The following ZNF385D variants were observed in gnomAD, a reference collection of about 807,000 sequenced individuals.
The protein encoded by ZNF385D is zinc finger protein 659.
A neutral mutation model predicts 35.8 loss-of-function variants in ZNF385D; 15 were observed. The observed-to-expected ratio is 0.42, with a 90% CI of 0.28 to 0.64. The LOEUF is 0.64. Ranked by LOEUF, ZNF385D falls within the 30% of genes least tolerant of loss-of-function variation. The pLI is 0.23. For missense variants in ZNF385D, 474 were observed against 494.6 expected (o/e 0.96, Z 0.39); for synonymous variants, 212 against 186.8 (o/e 1.13, Z -1.10).
chr3:21,893,346 G>A (rs953767358), intron 3 of ZNF385D, among the ~76,000 whole-genome samples: 3 of 152,086 alleles, frequency 2.0e-5, no homozygotes, highest in African/African-American at 7.2e-5. Flanking sequence ...GTAAAACATG[G>A]TAAAAAATAA....
intron 2 of ZNF385D, among the ~76,000 whole-genome samples, chr3:21,648,414 G>A (rs929091628): frequency 6.6e-6 from 1 of 152,078 alleles, no homozygotes; most frequent in African/African-American, 2.4e-5. Flanking sequence ...CCAGTCTCAG[G>A]TATTTCTTTA....
chr3:22,281,622 C>G (rs1029911421), intron 2 of ZNF385D, among the ~76,000 whole-genome samples: 2 of 151,984 alleles, frequency 1.3e-5, no homozygotes, highest in African/African-American at 4.8e-5. Flanking sequence ...TTTTGATAGG[C>G]TGTTGGATCA....
intron 3 of ZNF385D, among the ~76,000 whole-genome samples, chr3:21,859,760 T>A (rs1696945809): frequency 6.6e-6 from 1 of 151,950 alleles, no homozygotes; most frequent in Non-Finnish European, 1.5e-5. Flanking sequence ...TTATGTTAAT[T>A]ATTGAAATTA....
At position 21,444,898 on chromosome 3, in the gene ZNF385D, C is replaced by T. The variant is rs557703019; in HGVS notation, c.440-7695G>A. ...AGGACAGAGCACAGTTGCAGAAGCC[C>T]CCAAAAAGAGGTGGTGATCAGGACC... is the stretch of plus-strand genomic sequence containing the variant. On this transcript the variant is annotated intron_variant, in intron 4 of 7. Transcript: ENST00000281523. Among the ~76,000 whole-genome samples, 33 of 152,228 alleles carry T rather than the reference C, an allele frequency of 2.2e-4. 1 individual carries two copies. The South Asian group carries it at 6.6e-3, about 31-fold the overall frequency.
At chr3:22,312,920 A>C (rs201893753) in intron 2 of ZNF385D, among the ~76,000 whole-genome samples, 1 of 126,246 alleles carries the variant, frequency 7.9e-6, no homozygotes, top group African/African-American at 3.3e-5. Context: ...CCAAAGGACT[A>C]TAAATCATGC....
intron 3 of ZNF385D, among the ~76,000 whole-genome samples, chr3:21,556,790 G>T (rs557734385): frequency 6.6e-6 from 1 of 152,122 alleles, no homozygotes; most frequent in African/African-American, 2.4e-5. Flanking sequence ...TCACGATATC[G>T]ATTCTTCCTA....
At chr3:21,980,204 G>C (rs1255885331) in intron 3 of ZNF385D, among the ~76,000 whole-genome samples, 4 of 152,164 alleles carry the variant, frequency 2.6e-5, no homozygotes, top group Non-Finnish European at 4.4e-5. Context: ...ATGTGAATGA[G>C]CTACCTTGTA....
intron 4 of ZNF385D, among the ~76,000 whole-genome samples, chr3:21,458,523 A>G: frequency 6.6e-6 from 1 of 151,662 alleles, no homozygotes; most frequent in Non-Finnish European, 1.5e-5. Context: ...TCTCTAGAAG[A>G]AAGGGAAGGG....
chr3:21,561,168 G>C (rs2062932266), intron 3 of ZNF385D, among the ~76,000 whole-genome samples: 1 of 152,154 alleles, frequency 6.6e-6, no homozygotes, highest in Non-Finnish European at 1.5e-5. Context: ...TGTCTTGCTG[G>C]TGTTCCAGAA....
Position 22,069,061 on chromosome 3 carries a change from T to G in ZNF385D, c.325+99756A>C, listed in dbSNP as rs921245580. The stretch of plus-strand genomic sequence containing the variant: ...TGGCTGCCACATCTCTAAAATTATA[T>G]GTGTTCAACTAGTAAAAGGATATAA... On this transcript the variant is annotated intron_variant, in intron 3 of 5. Coordinates refer to the ZNF385D transcript ENST00000494108. Among the ~76,000 whole-genome samples, 3 of 152,220 alleles carry G rather than the reference T, an allele frequency of 2.0e-5. No homozygotes were observed. In the East Asian group the frequency reaches 5.8e-4, roughly 29 times the overall value.
At chr3:21,543,168 C>G (rs1165748010) in intron 3 of ZNF385D, among the ~76,000 whole-genome samples, 6 of 152,036 alleles carry the variant, frequency 3.9e-5, no homozygotes, top group African/African-American at 1.4e-4. Flanking sequence ...AAAAATAAGC[C>G]GGTGTGGTGG....
At chr3:21,736,792 G>A (rs551374844) in intron 1 of ZNF385D, among the ~76,000 whole-genome samples, 1 of 152,136 alleles carries the variant, frequency 6.6e-6, no homozygotes. Flanking sequence ...TGCTCTAAGA[G>A]GTCTTCAAGG....
intron 2 of ZNF385D, among the ~76,000 whole-genome samples, chr3:21,614,113 C>A (rs1575323096): frequency 6.6e-6 from 1 of 152,162 alleles, no homozygotes; most frequent in Non-Finnish European, 1.5e-5. Context: ...TAACAAAATA[C>A]CACAGACTGG....
At chr3:22,356,686 G>A (rs1696165103) in intron 2 of ZNF385D, among the ~76,000 whole-genome samples, 1 of 151,890 alleles carries the variant, frequency 6.6e-6, no homozygotes, top group Admixed American at 6.6e-5. Context: ...CTTAAGAGAT[G>A]GCAATAGAGG....
At chr3:22,025,495 T>C (rs890553814) in intron 3 of ZNF385D, among the ~76,000 whole-genome samples, 3 of 152,100 alleles carry the variant, frequency 2.0e-5, no homozygotes, top group East Asian at 1.9e-4. Context: ...ATTTTAAGGG[T>C]ATGGAATAAT....
At chr3:22,178,795 C>G (rs1163316050) in intron 2 of ZNF385D, among the ~76,000 whole-genome samples, 1 of 152,166 alleles carries the variant, frequency 6.6e-6, no homozygotes, top group African/African-American at 2.4e-5. Context: ...TTTCAGCTTT[C>G]TACATATGGC....
At chr3:22,152,692 C>A (rs954360837) in intron 3 of ZNF385D, among the ~76,000 whole-genome samples, 1 of 152,158 alleles carries the variant, frequency 6.6e-6, no homozygotes. Flanking sequence ...ATTTTTCCTA[C>A]CCAGATAATG....
intron 2 of ZNF385D, among the ~76,000 whole-genome samples, chr3:22,265,223 C>T (rs993420685): frequency 1.3e-5 from 2 of 151,920 alleles, no homozygotes; most frequent in Non-Finnish European, 2.9e-5. Flanking sequence ...TAGAGAATTA[C>T]AGGGCGACCT....
chr3:22,297,312 C>A (rs567756035), intron 2 of ZNF385D, among the ~76,000 whole-genome samples: 1 of 152,178 alleles, frequency 6.6e-6, no homozygotes, highest in East Asian at 1.9e-4. Context: ...TCCATCTCCT[C>A]CGCCTTTCCC....
Sources: gnomAD v4.1 joint callset for allele counts (sites outside exome capture counted in the v4.1 genomes callset) on GRCh38, gnomAD v4.1.1 for gene constraint, MANE v1.5 for transcripts, NCBI Gene and HGNC (gene_info 2026-07-23, HGNC 2026-07-21) for gene names.